Variants in OR51B5 observed in about 807,000 individuals in gnomAD.
OR51B5 encodes olfactory receptor family 51 subfamily B member 5.
For synonymous variants in OR51B5, 186 were observed against 144.8 expected (o/e 1.28, Z -2.04); for missense variants, 456 against 374.6 (o/e 1.22, Z -1.79).
intron 1 of OR51B5, among the ~76,000 whole-genome samples, chr11:5,406,873 C>A (rs1270246517): frequency 6.6e-6 from 1 of 151,996 alleles, no homozygotes; most frequent in Non-Finnish European, 1.5e-5. Context: ...GAGCTTACAG[C>A]AAACTCAGAG....
At chr11:5,505,438 G>A (rs1385023428) in intron 1 of OR51B5, 1 of 1,303,600 alleles carries the variant, frequency 7.7e-7, no homozygotes, top group East Asian at 5.5e-5. Flanking sequence ...CTTTAATCTG[G>A]ACAAAAACTA....
At chr11:5,388,958 T>A (rs1055391363) in intron 1 of OR51B5, among the ~76,000 whole-genome samples, 4 of 152,096 alleles carry the variant, frequency 2.6e-5, no homozygotes, top group Non-Finnish European at 5.9e-5. Flanking sequence ...GCCACTGAGA[T>A]AATGAAAAGT....
chr11:5,381,082 C>T (rs1849601534), intron 1 of OR51B5, among the ~76,000 whole-genome samples: 1 of 151,940 alleles, frequency 6.6e-6, no homozygotes, highest in Non-Finnish European at 1.5e-5. Flanking sequence ...AAAACTTATA[C>T]TGGCCCCTTG....
chr11:5,415,263 C>T (rs1451911332), intron 1 of OR51B5, among the ~76,000 whole-genome samples: 2 of 150,382 alleles, frequency 1.3e-5, no homozygotes. Flanking sequence ...ATCTCTGGGA[C>T]ACATTCAAAG....
rs560343893 is a variant in OR51B5, at chr11:5,427,339, G to A, written n.84+78230C>T. Among the ~76,000 whole-genome samples, 78 of 151,378 alleles carry A rather than the reference G, an allele frequency of 5.2e-4. 3 individuals are homozygous for A. The South Asian group carries it at 0.016, about 31-fold the overall frequency. Reference sequence around the variant, plus strand: ...GCGTTCTCCCTGCCCCTACACATGTGTGCTGAAATTGAACAGTTAGGTAAG... The same window carrying A: ...GCGTTCTCCCTGCCCCTACACATGTATGCTGAAATTGAACAGTTAGGTAAG... On this transcript the variant is annotated intron_variant and non_coding_transcript_variant, in intron 1 of 4. Coordinates refer to the OR51B5 transcript ENST00000415970.
At chr11:5,358,123 G>C (rs11828514) in intron 1 of OR51B5, among the ~76,000 whole-genome samples, 33,200 of 150,816 alleles carry the variant, frequency 0.22, 3,831 homozygotes, top group African/African-American at 0.29. Flanking sequence ...CTAGCAGAAG[G>C]CAAGAAATAA....
At chr11:5,463,118 T>C (rs7940657) in intron 1 of OR51B5, among the ~76,000 whole-genome samples, 3 of 152,262 alleles carry the variant, frequency 2.0e-5, no homozygotes, top group Non-Finnish European at 4.4e-5. Flanking sequence ...GTTTCCATTA[T>C]GCATGGAAGA....
chr11:5,349,859 A>G (rs1357015498), intron 1 of OR51B5, among the ~76,000 whole-genome samples: 4 of 152,216 alleles, frequency 2.6e-5, no homozygotes, highest in Middle Eastern at 3.4e-3. Context: ...AAGTTCCCAC[A>G]TTGGCTCATC....
chr11:5,391,527 ATG>A (rs1462270846), intron 1 of OR51B5: 1 of 152,208 alleles, frequency 6.6e-6, no homozygotes, highest in Non-Finnish European at 1.5e-5. Flanking sequence ...TAAATATTAA[ATG>A]TATGCGTGGA....
downstream of OR51B5, chr11:5,340,747 C>T (rs1208777770): frequency 6.6e-6 from 1 of 152,154 alleles, no homozygotes; most frequent in Admixed American, 6.5e-5. Context: ...TGAATCATGA[C>T]TATACCAATT....
chr11:5,417,655 C>G (rs2133756443), intron 1 of OR51B5, among the ~76,000 whole-genome samples: 1 of 151,260 alleles, frequency 6.6e-6, no homozygotes, highest in Admixed American at 6.6e-5. Context: ...TTTATGCAGC[C>G]AAAAAACACA....
intron 1 of OR51B5, among the ~76,000 whole-genome samples, chr11:5,354,045 C>T (rs1849146596): frequency 6.6e-6 from 1 of 151,998 alleles, no homozygotes; most frequent in Non-Finnish European, 1.5e-5. Flanking sequence ...GTTCTTATTC[C>T]CTACTGTATT....
intron 1 of OR51B5, chr11:5,390,720 C>A (rs1164656466): frequency 1.0e-5 from 2 of 199,314 alleles, no homozygotes; most frequent in Non-Finnish European, 2.0e-5. Context: ...AGAGGAGAGC[C>A]TGGCAGAGAC....
intron 1 of OR51B5, among the ~76,000 whole-genome samples, chr11:5,372,356 T>C (rs1418048641): frequency 6.6e-6 from 1 of 152,194 alleles, no homozygotes; most frequent in Non-Finnish European, 1.5e-5. Context: ...ACGTTTTCTA[T>C]AATGGCTATG....
chr11:5,357,512 C>A (rs1023534128), intron 1 of OR51B5, among the ~76,000 whole-genome samples: 1 of 152,176 alleles, frequency 6.6e-6, no homozygotes, highest in Non-Finnish European at 1.5e-5. Context: ...CTTAGACTCT[C>A]ACACAATAAC....
chr11:5,396,742 C>A lies in OR51B5; in HGVS notation n.85-49832G>T, dbSNP rs565044044. ...TGGAACCAAAAAAGAGCCCGCATCG[C>A]CAAGTCAATCCTAAGCCAAAAGAAC... is the stretch of plus-strand genomic sequence containing the variant. On this transcript the variant is annotated intron_variant and non_coding_transcript_variant, in intron 1 of 4. Transcript: ENST00000415970. 2.9e-4 allele frequency among the ~76,000 whole-genome samples: 44 copies of A among 151,952 alleles called. No homozygotes were observed. The East Asian group carries it at 7.7e-3, about 27-fold the overall frequency.
At chr11:5,387,774 G>T (rs1028809415) in intron 1 of OR51B5, among the ~76,000 whole-genome samples, 2 of 151,998 alleles carry the variant, frequency 1.3e-5, no homozygotes, top group African/African-American at 4.8e-5. Context: ...CTCTGATTTT[G>T]ATTTCTTCTC....
chr11:5,348,291 T>C (rs957787096), upstream of OR51B5, among the ~76,000 whole-genome samples: 3 of 152,142 alleles, frequency 2.0e-5, no homozygotes, highest in Non-Finnish European at 4.4e-5. Context: ...GCATGAATTA[T>C]GGGGTTGTAG....
intron 1 of OR51B5, among the ~76,000 whole-genome samples, chr11:5,408,117 C>T (rs1203928751): frequency 6.6e-6 from 1 of 152,082 alleles, no homozygotes; most frequent in Non-Finnish European, 1.5e-5. Flanking sequence ...TGAACTACAG[C>T]AATATCAAAT....
Sources: gnomAD v4.1 joint callset for allele counts (sites outside exome capture counted in the v4.1 genomes callset) on GRCh38, gnomAD v4.1.1 for gene constraint, MANE v1.5 for transcripts, NCBI Gene and HGNC (gene_info 2026-07-23, HGNC 2026-07-21) for gene names.